The following TNFAIP8L1 variants were observed in gnomAD, a reference collection of about 807,000 sequenced individuals.
TNFAIP8L1 encodes TNF alpha induced protein 8 like 1.
For missense variants in TNFAIP8L1, 225 were observed against 266.1 expected (o/e 0.85, Z 1.08); for synonymous variants, 127 against 125.6 (o/e 1.01, Z -0.08).
At chr19:4,642,328 A>G (rs972867009) in intron 1 of TNFAIP8L1, 3 of 152,116 alleles carry the variant, frequency 2.0e-5, no homozygotes, top group African/African-American at 4.8e-5. Context: ...TAAAAATACA[A>G]AAATGAGGCG....
rs2088403036 is a variant in TNFAIP8L1, at chr19:4,654,341, A to AT, written c.*1915dup. 2.0e-5 allele frequency: 3 copies of AT among 152,050 alleles called. No homozygotes were observed. Among genetic ancestry groups the AT allele is most frequent in the Non-Finnish European group, 1.5e-5 (1 of 68,002 alleles). 9.4% of individuals were successfully genotyped at this position (152,050 alleles called of 1,614,324 possible). ...GGGGACCCACCTGAGATGTGTGCAC[A>AT]TTTTATTTATTTATTGTTTTGAGAC... On this transcript the variant is annotated 3_prime_UTR_variant, in exon 2 of 2. Coordinates refer to ENST00000327473, the MANE Select transcript of TNFAIP8L1 (RefSeq NM_152362.3).
intron 1 of TNFAIP8L1, among the ~76,000 whole-genome samples, chr19:4,646,556 C>T (rs1448843135): frequency 1.3e-5 from 2 of 152,030 alleles, no homozygotes; most frequent in Non-Finnish European, 1.5e-5. Flanking sequence ...ATTTAGCAAT[C>T]GCTTTCCATT....
rs746107100 is a variant in TNFAIP8L1 at position 4,652,820 on chromosome 19, C to T, written c.*390C>T. 5.5e-5 allele frequency: 12 copies of T among 218,588 alleles called. No homozygotes were observed. Among genetic ancestry groups the T allele is most frequent in the Admixed American group, 3.5e-4 (6 of 16,928 alleles). 13.5% of individuals were successfully genotyped at this position (218,588 alleles called of 1,614,324 possible). A position where few individuals can be genotyped will look rare whatever the true frequency, so the allele number is the denominator to read the frequency against. On this transcript the variant is annotated 3_prime_UTR_variant, in exon 2 of 2. Transcript: ENST00000327473. ...CTCGCACAAGGACTACGGGTTCACA[C>T]GGTGAACTGGGGGAAGGGAAGTGTT...
intron 1 of TNFAIP8L1, among the ~76,000 whole-genome samples, chr19:4,648,725 G>A (rs541262969): frequency 3.3e-4 from 50 of 152,284 alleles, no homozygotes; most frequent in African/African-American, 1.1e-3. Context: ...CCAGCGAGGG[G>A]CACAGCCCTG....
In TNFAIP8L1 at chr19:4,645,634, A is replaced by G. The variant is rs1248150925; in HGVS notation, c.-4+6005A>G. Among the ~76,000 whole-genome samples, 1 of 150,774 alleles carries G rather than the reference A, an allele frequency of 6.6e-6. No homozygotes were observed. The highest frequency in any genetic ancestry group is 2.4e-5 in the African/African-American group (1 of 40,936). ...ATAAACTTATAGTTAAATAAAGTAC[A>G]TTTAAGCCAGGGGTGGTAGCTCACA... On this transcript the variant is annotated intron_variant, in intron 1 of 1. Transcript: ENST00000327473. The surrounding 1 kb of genome is among the most constrained non-coding windows in gnomAD (Gnocchi z 4.1).
At chr19:4,649,515 C>T (rs1465622452) in intron 1 of TNFAIP8L1, among the ~76,000 whole-genome samples, 2 of 152,242 alleles carry the variant, frequency 1.3e-5, no homozygotes, top group East Asian at 3.9e-4. Flanking sequence ...ATCAGGGTTG[C>T]CCTCTAAGAC....
chr19:4,649,232 C>CT (rs60908273), intron 1 of TNFAIP8L1, among the ~76,000 whole-genome samples: 3,957 of 144,960 alleles, frequency 0.027, 173 homozygotes, highest in African/African-American at 0.093. Context: ...GCCCGGCCAG[C>CT]TTTTTTTTTT....
At chr19:4,642,516 A>C (rs2088270963) in intron 1 of TNFAIP8L1, 1 of 152,058 alleles carries the variant, frequency 6.6e-6, no homozygotes. Context: ...TATACACATA[A>C]AATAAATAAA....
chr19:4,648,447 AT>A (rs1172055204), intron 1 of TNFAIP8L1, among the ~76,000 whole-genome samples: 1 of 152,194 alleles, frequency 6.6e-6, no homozygotes, highest in Non-Finnish European at 1.5e-5. Flanking sequence ...TGGCAGAACA[AT>A]GGGTCAGGGA....
intron 1 of TNFAIP8L1, among the ~76,000 whole-genome samples, chr19:4,642,659 C>G (rs1429781071): frequency 6.6e-6 from 1 of 151,780 alleles, no homozygotes. Context: ...TGTGTAAAGG[C>G]CCTGGGGCAA....
intron 1 of TNFAIP8L1, among the ~76,000 whole-genome samples, chr19:4,644,337 C>T (rs184242637): frequency 5.8e-4 from 87 of 149,226 alleles, no homozygotes; most frequent in African/African-American, 2.1e-3. Context: ...CCCAGGAGTT[C>T]GAGACTAGCC....
chr19:4,640,274 C>T (rs895706331), intron 1 of TNFAIP8L1: 7 of 152,304 alleles, frequency 4.6e-5, no homozygotes, highest in African/African-American at 1.7e-4. Flanking sequence ...CCAATGCTTC[C>T]AATGTTTGTC....
rs1004607738 is a variant in TNFAIP8L1 at position 4,645,283 on chromosome 19, C to T, written c.-4+5654C>T. ...ATAGTTAAGGCTGGGCGTGGTGGCT[C>T]CCACCTGTAATCCCAGCAGTTTGGG... On this transcript the variant is annotated intron_variant, in intron 1 of 1. Transcript: ENST00000327473. This position sits in a 1 kb window ranked among gnomAD's most constrained non-coding sequence, Gnocchi z 4.1. Among the ~76,000 whole-genome samples, 5 of 152,166 alleles carry T rather than the reference C, an allele frequency of 3.3e-5. No individual in the cohort carries two copies. Among genetic ancestry groups the T allele is most frequent in the Non-Finnish European group, 7.3e-5 (5 of 68,036 alleles).
At chr19:4,649,868 C>T (rs1463040003) in intron 1 of TNFAIP8L1, among the ~76,000 whole-genome samples, 2 of 152,172 alleles carry the variant, frequency 1.3e-5, no homozygotes, top group South Asian at 2.1e-4. Context: ...AGAGGGCGGC[C>T]GAGGGTTTGG....
At chr19:4,643,791 C>T (rs1160707698) in intron 1 of TNFAIP8L1, among the ~76,000 whole-genome samples, 3 of 152,066 alleles carry the variant, frequency 2.0e-5, no homozygotes, top group Admixed American at 6.6e-5. Flanking sequence ...AAAACTTAGC[C>T]AGGCATGGTG....
intron 1 of TNFAIP8L1, among the ~76,000 whole-genome samples, chr19:4,643,297 G>C (rs1344267851): frequency 6.6e-6 from 1 of 151,778 alleles, no homozygotes; most frequent in African/African-American, 2.4e-5. Context: ...AAAAAAAGTG[G>C]GTTGCATTGG....
At position 4,652,107 on chromosome 19, in the gene TNFAIP8L1, G is replaced by T. The variant is rs2088371604; in HGVS notation, c.238G>T (p.Gly80Cys). Residue 80 changes from glycine to cysteine, a missense_variant, in exon 2 of 2, where the codon GGC becomes TGC. Gly to Cys is a radical substitution (Grantham distance 159). Coordinates refer to ENST00000327473, the MANE Select transcript of TNFAIP8L1 (RefSeq NM_152362.3). Reference protein sequence around the residue: ...LGLLLRGDQLGGEELALLRRF... With the variant: ...LGLLLRGDQLCGEELALLRRF... ...ACTGCTGCTGCGTGGGGACCAGCTGGGCGGTGAGGAGCTGGCGCTGCTGCG... is the reference window on the plus strand; with the variant it reads ...ACTGCTGCTGCGTGGGGACCAGCTGTGCGGTGAGGAGCTGGCGCTGCTGCG... The T allele has an allele frequency of 6.3e-7, 1 of 1,593,298 alleles. No homozygotes were observed. The highest frequency in any genetic ancestry group is 1.3e-5 in the African/African-American group (1 of 74,528).
At chr19:4,646,882 G>A (rs2088316829) in intron 1 of TNFAIP8L1, among the ~76,000 whole-genome samples, 3 of 152,180 alleles carry the variant, frequency 2.0e-5, no homozygotes, top group African/African-American at 4.8e-5. Flanking sequence ...CGCCCGCCTC[G>A]GCCTCCCAAA....
chr19:4,649,048 G>A (rs2088338091), intron 1 of TNFAIP8L1, among the ~76,000 whole-genome samples: 1 of 150,100 alleles, frequency 6.7e-6, no homozygotes, highest in Admixed American at 6.8e-5. Flanking sequence ...TCCTGTCTCA[G>A]CCCCCAAAGT....
Sources: allele counts gnomAD v4.1 joint callset (sites outside exome capture counted in the v4.1 genomes callset), GRCh38; gene constraint gnomAD v4.1.1; non-coding constraint Gnocchi (gnomAD v3.1); transcripts MANE v1.5; gene names NCBI Gene and HGNC (gene_info 2026-07-23, HGNC 2026-07-21).